Variants in AXDND1 observed in about 807,000 individuals in gnomAD.
AXDND1 encodes axonemal dynein light chain domain-containing protein 1.
In AXDND1, 110 loss-of-function variants were observed where a neutral mutation model predicts 137.5. The observed-to-expected ratio is 0.80, with a 90% CI of 0.69 to 0.94. The LOEUF is 0.94. Among genes scored for constraint, AXDND1 ranks in the 40% least tolerant of loss-of-function variants. The pLI, the probability that AXDND1 is intolerant of heterozygous loss-of-function variation, is 0.00. For missense variants in AXDND1, 1,191 were observed against 1,169.8 expected (o/e 1.02, Z -0.26); for synonymous variants, 414 against 399.7 (o/e 1.04, Z -0.43).
At chr1:179,523,550 C>T (rs1371799338) in intron 21 of AXDND1, among the ~76,000 whole-genome samples, 1 of 152,144 alleles carries the variant, frequency 6.6e-6, no homozygotes, top group Non-Finnish European at 1.5e-5. Context: ...CCCCTTTCTT[C>T]TCAGGCCCTG....
intron 4 of AXDND1, among the ~76,000 whole-genome samples, chr1:179,370,522 T>C (rs1317119335): frequency 6.6e-6 from 1 of 152,228 alleles, no homozygotes; most frequent in Non-Finnish European, 1.5e-5. Flanking sequence ...AATTTCTGGA[T>C]CTCTCCAAAG....
chr1:179,512,010 G>A (rs1572132119), intron 21 of AXDND1, among the ~76,000 whole-genome samples: 2 of 152,232 alleles, frequency 1.3e-5, no homozygotes, highest in Admixed American at 6.5e-5. Flanking sequence ...CCCACTCTGT[G>A]CGTTGTCTGT....
At chr1:179,476,478 CT>C (rs1388373629) in intron 17 of AXDND1, among the ~76,000 whole-genome samples, 1 of 151,806 alleles carries the variant, frequency 6.6e-6, no homozygotes, top group African/African-American at 2.4e-5. Flanking sequence ...TAATTACCAT[CT>C]GTGGTCATTG....
At chr1:179,369,011 T>G in intron 3 of AXDND1, 39 bp downstream of exon 3, 1 of 1,517,212 alleles carries the variant, frequency 6.6e-7, no homozygotes, top group Non-Finnish European at 9.0e-7. Context: ...GGAACATTAT[T>G]TTTTGGGCAT....
chr1:179,370,081 A>G lies in AXDND1; in HGVS notation c.374+3A>G, dbSNP rs969591910. ...GTCTCCCTCACAGGAGCTGGAAGGT[A>G]AAGAAGGAAGATAGTAGGATAGATG... On this transcript the variant is annotated splice_donor_region_variant and intron_variant, in intron 4 of 25. Coordinates refer to ENST00000367618, the MANE Select transcript of AXDND1 (RefSeq NM_144696.6). 5 of 1,600,802 alleles carry G rather than the reference A, an allele frequency of 3.1e-6. No homozygotes were observed. The highest frequency in any genetic ancestry group is 1.7e-6 in the Non-Finnish European group (2 of 1,168,594).
At chr1:179,413,871 G>A (rs144378664) in intron 12 of AXDND1, among the ~76,000 whole-genome samples, 1,589 of 152,042 alleles carry the variant, frequency 0.01, 35 homozygotes, top group African/African-American at 0.035. Flanking sequence ...TAGTATATAA[G>A]TGTTCCCTTT....
chr1:179,381,691 T>G (rs1254481249), intron 6 of AXDND1, among the ~76,000 whole-genome samples: 1 of 152,164 alleles, frequency 6.6e-6, no homozygotes, highest in Non-Finnish European at 1.5e-5. Flanking sequence ...TGATCATTAT[T>G]TCTTCTGCCA....
chr1:179,426,478 G>A (rs201417796), intron 12 of AXDND1, among the ~76,000 whole-genome samples: 20 of 147,014 alleles, frequency 1.4e-4, no homozygotes, highest in Non-Finnish European at 2.8e-4. Flanking sequence ...ATGAACATTT[G>A]CATGTACTAT....
intron 11 of AXDND1, among the ~76,000 whole-genome samples, chr1:179,403,788 G>A (rs1011051540): frequency 6.6e-6 from 1 of 152,116 alleles, no homozygotes; most frequent in Non-Finnish European, 1.5e-5. Context: ...TGGCCAGGCT[G>A]GTCTGGAACT....
At chr1:179,516,205 G>A (rs535367514) in intron 21 of AXDND1, among the ~76,000 whole-genome samples, 17 of 151,950 alleles carry the variant, frequency 1.1e-4, no homozygotes, top group African/African-American at 3.9e-4. Flanking sequence ...CCTGGTCTTC[G>A]AGCTCTGAAT....
intron 15 of AXDND1, among the ~76,000 whole-genome samples, chr1:179,434,439 T>C (rs1277293923): frequency 2.0e-5 from 3 of 152,170 alleles, no homozygotes; most frequent in African/African-American, 4.8e-5. Context: ...TGAACATTGA[T>C]GCGAAAATCC....
At chr1:179,444,916 G>A in intron 15 of AXDND1, 54 bp from the exon 16 acceptor site, 1 of 1,293,234 alleles carries the variant, frequency 7.7e-7, no homozygotes, top group Non-Finnish European at 1.1e-6. Flanking sequence ...GGTAGACTTT[G>A]ATAAACTCAT....
At chr1:179,376,065 T>C (rs945465018) in intron 4 of AXDND1, among the ~76,000 whole-genome samples, 1 of 152,212 alleles carries the variant, frequency 6.6e-6, no homozygotes, top group Admixed American at 6.5e-5. Context: ...ATATTGCAAC[T>C]GTTATAGTCA....
intron 21 of AXDND1, among the ~76,000 whole-genome samples, chr1:179,517,135 G>C (rs1175279634): frequency 6.6e-6 from 1 of 152,182 alleles, no homozygotes; most frequent in Admixed American, 6.5e-5. Flanking sequence ...TGGCTGCTGT[G>C]GGGAATGGGG....
intron 25 of AXDND1, among the ~76,000 whole-genome samples, chr1:179,538,164 T>C (rs535864928): frequency 6.6e-6 from 1 of 152,332 alleles, no homozygotes; most frequent in Non-Finnish European, 1.5e-5. Context: ...CATTGATTTT[T>C]TGAAGGGTTT....
rs540510127 is a variant in AXDND1, at chr1:179,457,035, G to A, written c.1799-11408G>A. The A allele has an allele frequency of 4.6e-6, 7 of 1,514,830 alleles. No individual in the cohort carries two copies. The South Asian group carries it at 7.9e-5, about 17-fold the overall frequency. 93.8% of individuals were successfully genotyped at this position (1,514,830 alleles called of 1,614,324 possible). On this transcript the variant is annotated intron_variant, in intron 16 of 25. Coordinates refer to ENST00000367618, the MANE Select transcript of AXDND1 (RefSeq NM_144696.6). ...ACAAATATCTTTTTCACAGTTAAGT[G>A]GGCACCTGGTCTTTGAGAATCTTCT... is the stretch of plus-strand genomic sequence containing the variant.
intron 18 of AXDND1, among the ~76,000 whole-genome samples, chr1:179,487,971 G>C (rs1269447013): frequency 1.7e-5 from 2 of 120,488 alleles, no homozygotes; most frequent in African/African-American, 7.0e-5. Context: ...ACTCCAGCCT[G>C]TGAAACAGAG....
At chr1:179,408,729 G>A (rs1036970895) in intron 11 of AXDND1, among the ~76,000 whole-genome samples, 6 of 152,090 alleles carry the variant, frequency 3.9e-5, no homozygotes, top group Non-Finnish European at 1.5e-5. Flanking sequence ...CCTCCAGGCT[G>A]GAGTGCAGTT....
intron 11 of AXDND1, among the ~76,000 whole-genome samples, chr1:179,396,042 G>T (rs1435420108): frequency 6.6e-6 from 1 of 151,992 alleles, no homozygotes; most frequent in Non-Finnish European, 1.5e-5. Context: ...GGAGGTGCTT[G>T]CCTGTAATCC....
Sources: allele counts gnomAD v4.1 joint callset (sites outside exome capture counted in the v4.1 genomes callset), GRCh38; gene constraint gnomAD v4.1.1; transcripts MANE v1.5; gene names NCBI Gene and HGNC (gene_info 2026-07-23, HGNC 2026-07-21).